The following ADAP1 variants were observed in gnomAD, a reference collection of about 807,000 sequenced individuals.
ADAP1 encodes ArfGAP with dual PH domains 1.
In ADAP1, 31 loss-of-function variants were observed where a neutral mutation model predicts 54.9. That is an observed-to-expected ratio of 0.56 (90% CI 0.42 to 0.76). ADAP1 has a LOEUF of 0.76. Among genes scored for constraint, ADAP1 ranks in the 30% least tolerant of loss-of-function variants. ADAP1 has a pLI of 0.00. For missense variants in ADAP1, 535 were observed against 512.4 expected (o/e 1.04, Z -0.42); for synonymous variants, 313 against 202.6 (o/e 1.55, Z -4.63).
chr7:900,435 G>A lies in ADAP1; in HGVS notation c.732+98C>T, dbSNP rs181920790. 17 of 1,327,156 alleles carry A rather than the reference G, an allele frequency of 1.3e-5. No individual in the cohort carries two copies. In the African/African-American group the frequency reaches 2.2e-4, roughly 17 times the overall value. 82.2% of individuals were successfully genotyped at this position (1,327,156 alleles called of 1,614,324 possible). On this transcript the variant is annotated intron_variant, in intron 7 of 10. Transcript: ENST00000265846. Reference sequence around the variant, plus strand: ...TGGCCAGTCCCAGGCCCACCCTAGGGCTCAACATCATCCCAGACTCAGGGC... The same window carrying A: ...TGGCCAGTCCCAGGCCCACCCTAGGACTCAACATCATCCCAGACTCAGGGC...
intron 4 of ADAP1, among the ~76,000 whole-genome samples, chr7:906,846 AG>A (rs890455683): frequency 1.8e-5 from 2 of 108,312 alleles, no homozygotes; most frequent in Non-Finnish European, 4.1e-5. Context: ...ATGGTTGGTG[AG>A]GGGATATGAC....
At chr7:905,576 A>AG (rs1845173097) in intron 4 of ADAP1, 2 of 110,354 alleles carry the variant, frequency 1.8e-5, no homozygotes, top group African/African-American at 5.9e-5. Flanking sequence ...GAGAAAGGAG[A>AG]AAGGAGAAAG....
At chr7:900,755 G>A (rs1844761252) in intron 6 of ADAP1, 139 bp from the exon 7 acceptor site, 1 of 746,970 alleles carries the variant, frequency 1.3e-6, no homozygotes. Flanking sequence ...TCAGCTCCCA[G>A]CAGTCCTGCC....
intron 4 of ADAP1, among the ~76,000 whole-genome samples, chr7:911,378 C>CG (rs1249223840): frequency 1.3e-5 from 2 of 152,208 alleles, no homozygotes; most frequent in Non-Finnish European, 2.9e-5. Flanking sequence ...CCCCCATCCC[C>CG]GCCAGGCTGC....
intron 1 of ADAP1, among the ~76,000 whole-genome samples, chr7:947,843 G>A (rs373281517): frequency 4.6e-5 from 7 of 151,922 alleles, no homozygotes; most frequent in South Asian, 2.1e-4. Flanking sequence ...GAGTCACAGC[G>A]CAGCCCTCAC....
intron 1 of ADAP1, among the ~76,000 whole-genome samples, chr7:949,268 A>G (rs891859243): frequency 1.3e-5 from 2 of 152,134 alleles, no homozygotes; most frequent in East Asian, 1.9e-4. Flanking sequence ...ACATGAGCAC[A>G]TACCTCCTGG....
rs1846716523 is a variant in ADAP1, at chr7:935,294, G to A, written c.213+81C>T. On this transcript the variant is annotated intron_variant, in intron 2 of 10. Coordinates refer to ENST00000265846, the MANE Select transcript of ADAP1 (RefSeq NM_006869.4). Reference sequence around the variant, plus strand: ...AGGCTCCAGGGGCCACAGCCAGGCCGCCCGGCATCTCTGGCTCCAGAGGCC... The same window carrying A: ...AGGCTCCAGGGGCCACAGCCAGGCCACCCGGCATCTCTGGCTCCAGAGGCC... 9 of 1,505,934 alleles carry A rather than the reference G, an allele frequency of 6.0e-6. No individual in the cohort carries two copies. The Admixed American group carries it at 6.2e-5, about 10-fold the overall frequency. The allele number at this position is 1,505,934 out of a possible 1,614,324, so 93.3% of individuals were successfully genotyped here.
chr7:900,879 CCGA>C, intron 6 of ADAP1: 9 of 618,066 alleles, frequency 1.5e-5, no homozygotes, highest in East Asian at 3.4e-5. Flanking sequence ...GGCCGAAGGG[CCGA>C]AGGGCCGGGC....
Position 920,727 on chromosome 7 carries a change from C to A in ADAP1, c.306-677G>T. The A allele has an allele frequency of 6.8e-7, 1 of 1,470,428 alleles. No individual in the cohort carries two copies. Among genetic ancestry groups the A allele is most frequent in the South Asian group, 1.2e-5 (1 of 81,048 alleles). 91.1% of individuals were successfully genotyped at this position (1,470,428 alleles called of 1,614,324 possible). On this transcript the variant is annotated intron_variant, in intron 3 of 10. Coordinates refer to ENST00000265846, the MANE Select transcript of ADAP1 (RefSeq NM_006869.4). This position sits in a 1 kb window ranked among gnomAD's most constrained non-coding sequence, Gnocchi z 4.5. Reference sequence around the variant, plus strand: ...AGGGCCCCCCACGGCACCCACTGAGCCCAGACATCCCTGCCCAGAGCCACC... The same window carrying A: ...AGGGCCCCCCACGGCACCCACTGAGACCAGACATCCCTGCCCAGAGCCACC...
At position 946,224 on chromosome 7, in the gene ADAP1, C is replaced by T. The variant is rs1198361437; in HGVS notation, c.82+8172G>A. 6.6e-6 allele frequency among the ~76,000 whole-genome samples: 1 copy of T among 152,182 alleles called. No individual in the cohort carries two copies. The highest frequency in any genetic ancestry group is 1.5e-5 in the Non-Finnish European group (1 of 68,016). The stretch of plus-strand genomic sequence containing the variant: ...TTTCCGCATATTGTCTCCCAGTTAC[C>T]CGTGGCCCCTGCAGGGATCCAGGCT... On this transcript the variant is annotated intron_variant, in intron 1 of 10. Transcript: ENST00000265846. The surrounding 1 kb of genome is among the most constrained non-coding windows in gnomAD (Gnocchi z 4.3).
intron 4 of ADAP1, chr7:905,635 G>GGAAAGGAGAAAGGGAAAGGA (rs1562912495): frequency 3.4e-5 from 1 of 29,344 alleles, no homozygotes. Flanking sequence ...AAGGAGAAAG[G>GGAAAGGAGAAAGGGAAAGGA]GAAAGGAGAA....
At chr7:905,491 G>GT (rs1845146866) in intron 4 of ADAP1, 1 of 5,204 alleles carries the variant, frequency 1.9e-4, no homozygotes. Context: ...GGAGAAAGGA[G>GT]AAGGGAGAAG....
At position 900,521 on chromosome 7, in the gene ADAP1, G is replaced by A. The variant is rs1296733573; in HGVS notation, c.732+12C>T. ...TGTCTGCCCTGGAGCTGACCGCAGG[G>A]CCGCCACTCACATCTGCGTCGCCGG... On this transcript the variant is annotated intron_variant, in intron 7 of 10. Coordinates refer to ENST00000265846, the MANE Select transcript of ADAP1 (RefSeq NM_006869.4). 5 of 1,597,714 alleles carry A rather than the reference G, an allele frequency of 3.1e-6. No homozygotes were observed. The highest frequency in any genetic ancestry group is 4.3e-6 in the Non-Finnish European group (5 of 1,172,856).
At chr7:913,104 A>G (rs2128101673) in intron 4 of ADAP1, among the ~76,000 whole-genome samples, 1 of 152,124 alleles carries the variant, frequency 6.6e-6, no homozygotes, top group South Asian at 2.1e-4. Context: ...TCGGCCTCCC[A>G]GAGTGCTGCA....
intron 1 of ADAP1, among the ~76,000 whole-genome samples, chr7:937,367 GCCTCTGGGATTTGGGGGTCACGCCCGA>G (rs1562934193): frequency 7.4e-4 from 35 of 47,240 alleles, no homozygotes; most frequent in East Asian, 3.4e-3. Context: ...GTCACGCCGG[GCCTCTGGGATTTGGGGGTCACGCCCGA>G]CCTCTGGGAT....
chr7:897,931 G>C lies in ADAP1; in HGVS notation c.*990C>G, dbSNP rs1315730696. The C allele has an allele frequency of 1.3e-5, 2 of 152,248 alleles. No homozygotes were observed. Among genetic ancestry groups the C allele is most frequent in the African/African-American group, 4.8e-5 (2 of 41,442 alleles). The allele number at this position is 152,248 out of a possible 1,614,324, so 9.4% of individuals were successfully genotyped here. A position where few individuals can be genotyped will look rare whatever the true frequency, so the allele number is the denominator to read the frequency against. On this transcript the variant is annotated 3_prime_UTR_variant, in exon 11 of 11. Coordinates refer to ENST00000265846, the MANE Select transcript of ADAP1 (RefSeq NM_006869.4). ...CATGCCAGAGCCACATTTTATTCCA[G>C]GATGCGACACGGGGCGGCGGATGCC...
chr7:905,567 A>AGAAAGGGAAAGGG (rs1562912297), intron 4 of ADAP1: 2 of 9,880 alleles, frequency 2.0e-4, no homozygotes, highest in Admixed American at 1.6e-3. Context: ...AGGAGAAAGG[A>AGAAAGGGAAAGGG]GAAAGGAGAA....
intron 3 of ADAP1, among the ~76,000 whole-genome samples, chr7:921,445 C>G (rs935876734): frequency 9.8e-5 from 15 of 152,348 alleles, no homozygotes; most frequent in Non-Finnish European, 2.2e-4. Context: ...CTCGGCTTCC[C>G]GAGTAGCTGG....
chr7:905,567 A>AGAAAGGAGAAAGGAGAAAGGAGAAAGG (rs1845169983), intron 4 of ADAP1: 1 of 9,880 alleles, frequency 1.0e-4, no homozygotes, highest in Non-Finnish European at 1.7e-4. Context: ...AGGAGAAAGG[A>AGAAAGGAGAAAGGAGAAAGGAGAAAGG]GAAAGGAGAA....
Sources: gnomAD v4.1 joint callset for allele counts (sites outside exome capture counted in the v4.1 genomes callset) on GRCh38, gnomAD v4.1.1 for gene constraint, Gnocchi (gnomAD v3.1) non-coding constraint, MANE v1.5 for transcripts, NCBI Gene and HGNC (gene_info 2026-07-23, HGNC 2026-07-21) for gene names.